PCOLCE2: variants seen among roughly 807,000 people sequenced by gnomAD.
PCOLCE2 encodes the protein procollagen C-proteinase enhancer 2.
In PCOLCE2, 42 loss-of-function variants were observed where a neutral mutation model predicts 47.0. The observed-to-expected ratio is 0.89, with a 90% CI of 0.70 to 1.16. The LOEUF (loss-of-function observed/expected upper bound fraction) is 1.16. Ranked by LOEUF, PCOLCE2 falls within the 50% of genes most tolerant of loss-of-function variation. The pLI, the probability that PCOLCE2 is intolerant of heterozygous loss-of-function variation, is 0.00. For synonymous variants in PCOLCE2, 169 were observed against 191.7 expected, an observed-to-expected ratio of 0.88 and a Z score of 0.98; for missense variants, 500 against 526.1, an observed-to-expected ratio of 0.95 and a Z score of 0.49.
chr3:142,843,447 T>G (rs865790493), intron 3 of PCOLCE2: 12 of 359,670 alleles, frequency 3.3e-5, no homozygotes, highest in Middle Eastern at 1.1e-3. Flanking sequence ...AATTAGTTGA[T>G]ATAGACAGCT....
chr3:142,879,188 G>A (rs1208729004), intron 2 of PCOLCE2, among the ~76,000 whole-genome samples: 1 of 151,676 alleles, frequency 6.6e-6, no homozygotes, highest in African/African-American at 2.4e-5. Context: ...TATTTTTATA[G>A]TGATGTTTCA....
At chr3:142,829,289 A>AC (rs1374608989) in intron 6 of PCOLCE2, among the ~76,000 whole-genome samples, 1 of 152,008 alleles carries the variant, frequency 6.6e-6, no homozygotes, top group African/African-American at 2.4e-5. Context: ...AGCAAAAAAA[A>AC]AAACCAAAAA....
chr3:142,834,611 A>T (rs1383500227), intron 5 of PCOLCE2, among the ~76,000 whole-genome samples: 3 of 152,224 alleles, frequency 2.0e-5, no homozygotes, highest in Non-Finnish European at 2.9e-5. Flanking sequence ...CACAAGTCAC[A>T]CTTTAATCTG....
intron 2 of PCOLCE2, among the ~76,000 whole-genome samples, chr3:142,881,545 G>T (rs1933620268): frequency 6.6e-6 from 1 of 152,098 alleles, no homozygotes; most frequent in Non-Finnish European, 1.5e-5. Flanking sequence ...TACAAACCTA[G>T]ATTGTATAAT....
At chr3:142,825,654 T>C (rs1394004163) in intron 6 of PCOLCE2, among the ~76,000 whole-genome samples, 1 of 152,204 alleles carries the variant, frequency 6.6e-6, no homozygotes, top group Non-Finnish European at 1.5e-5. Flanking sequence ...TCTTCCATCT[T>C]TGATGGTTCA....
rs779832973 is a variant in PCOLCE2, at chr3:142,888,801, G to A, written c.83+13C>T. The stretch of plus-strand genomic sequence containing the variant: ...AAAGGAGAGAAAGGGAGCCCGGGCA[G>A]GGGTCGCGTTACCTCTCTGGGGACT... On this transcript the variant is annotated intron_variant, in intron 1 of 8. Coordinates refer to ENST00000295992, the MANE Select transcript of PCOLCE2 (RefSeq NM_013363.4). 3.4e-6 allele frequency: 5 copies of A among 1,467,726 alleles called. No individual in the cohort carries two copies. The African/African-American group carries it at 7.3e-5, about 21-fold the overall frequency. 90.9% of individuals were successfully genotyped at this position (1,467,726 alleles called of 1,614,324 possible).
chr3:142,842,865 C>A lies in PCOLCE2; in HGVS notation c.573+59G>T. 1 of 1,570,580 alleles carries A rather than the reference C, an allele frequency of 6.4e-7. No individual in the cohort carries two copies. On this transcript the variant is annotated intron_variant, in intron 4 of 8. Coordinates refer to ENST00000295992, the MANE Select transcript of PCOLCE2 (RefSeq NM_013363.4). The surrounding 1 kb of genome is among the most constrained non-coding windows in gnomAD (Gnocchi z 4.1). The stretch of plus-strand genomic sequence containing the variant: ...CAGGAGGCTCTTGAGAGTTGGTGGG[C>A]CCCCCACACTGGGCAATTCACACAT...
At chr3:142,872,903 TA>T (rs1560140695) in intron 2 of PCOLCE2, among the ~76,000 whole-genome samples, 1 of 152,228 alleles carries the variant, frequency 6.6e-6, no homozygotes, top group Non-Finnish European at 1.5e-5. Context: ...AAAGTGCTTT[TA>T]TTTTCCCCCA....
chr3:142,848,377 G>A lies in PCOLCE2; in HGVS notation c.288C>T (p.Gly96=), dbSNP rs781415884. 20 of 1,614,164 alleles carry A rather than the reference G, an allele frequency of 1.2e-5. No individual in the cohort carries two copies. Among genetic ancestry groups the A allele is most frequent in the Non-Finnish European group, 1.7e-5 (20 of 1,179,998 alleles). ...GGCCAATGCGCTGGCCATTGGCATG[G>A]CCATTGTACACATCCACAAAGTCAT... ...CRYDFVDVYN[G]HANGQRIGRF... The change falls in exon 3 of 9, where the codon GGC becomes GGT. Residue 96 remains glycine (G), a synonymous_variant. Transcript: ENST00000295992.
rs574685617 is a variant in PCOLCE2, at chr3:142,887,865, T to G, written c.84-88A>C. 84 of 730,118 alleles carry G rather than the reference T, an allele frequency of 1.2e-4. No individual in the cohort carries two copies. The South Asian group carries it at 1.2e-3, about 10-fold the overall frequency. The allele number at this position is 730,118 out of a possible 1,614,324, so 45.2% of individuals were successfully genotyped here. On this transcript the variant is annotated intron_variant, in intron 1 of 8. Transcript: ENST00000295992. The stretch of plus-strand genomic sequence containing the variant: ...CCTTCAGAAAGGTGTAGCCTATTAA[T>G]ATAAATAAAAGTTAATGTTGATTAA...
chr3:142,856,986 T>C (rs192835529), intron 2 of PCOLCE2, among the ~76,000 whole-genome samples: 16 of 152,066 alleles, frequency 1.1e-4, no homozygotes, highest in African/African-American at 3.9e-4. Flanking sequence ...GAGCTGTGGA[T>C]ACACACGGAG....
intron 2 of PCOLCE2, among the ~76,000 whole-genome samples, chr3:142,872,416 C>T (rs1933408636): frequency 6.6e-6 from 1 of 152,134 alleles, no homozygotes; most frequent in South Asian, 2.1e-4. Context: ...TCCTCAACAA[C>T]CTCAGCTTCT....
Position 142,887,768 on chromosome 3 carries a change from G to A in PCOLCE2, c.93C>T (p.Phe31=). Residue 31 remains phenylalanine (F), a synonymous_variant, in exon 2 of 9, where the codon TTC becomes TTT. Coordinates refer to ENST00000295992, the MANE Select transcript of PCOLCE2 (RefSeq NM_013363.4). ...CTCCAGTAAGAATGCCACCACATGT[G>A]AAAACAGGTCTGGGAACATAAAAGA... ...SRQQSPERPV[F]TCGGILTGES... is the part of the protein sequence containing the mutation. 6.3e-7 allele frequency: 1 copy of A among 1,580,662 alleles called. No homozygotes were observed. Among genetic ancestry groups the A allele is most frequent in the Non-Finnish European group, 8.7e-7 (1 of 1,149,786 alleles).
rs369475147 is a variant in PCOLCE2 at position 142,820,890 on chromosome 3, G to A, written c.1105C>T (p.Leu369Phe). ...TCTCCCTACTCACCTCTTCTGAGGA[G>A]AGGGCACTGCTTGCAGACGACAGTC... ...RLTVVCKQCP[L>F]LRRGLNYIIM... is the part of the protein sequence containing the mutation. Residue 369 changes from leucine (L) to phenylalanine (F), a missense_variant, in exon 8 of 9, where the codon CTC becomes TTC. Coordinates refer to ENST00000295992, the MANE Select transcript of PCOLCE2 (RefSeq NM_013363.4). 5 of 1,612,926 alleles carry A rather than the reference G, an allele frequency of 3.1e-6. No individual in the cohort carries two copies. The African/African-American group carries it at 4.0e-5, about 13-fold the overall frequency.
At chr3:142,831,874 A>G (rs1937156171) in intron 5 of PCOLCE2, among the ~76,000 whole-genome samples, 1 of 152,212 alleles carries the variant, frequency 6.6e-6, no homozygotes, top group Non-Finnish European at 1.5e-5. Context: ...TTTAGGAACA[A>G]AGACATATTT....
intron 2 of PCOLCE2, among the ~76,000 whole-genome samples, chr3:142,852,006 A>G (rs1932949469): frequency 6.6e-6 from 1 of 152,218 alleles, no homozygotes; most frequent in South Asian, 2.1e-4. Flanking sequence ...AAATATGATC[A>G]GCAATAGAAA....
At chr3:142,869,029 C>A (rs1020481449) in intron 2 of PCOLCE2, among the ~76,000 whole-genome samples, 4 of 152,120 alleles carry the variant, frequency 2.6e-5, no homozygotes, top group African/African-American at 7.2e-5. Context: ...CGGTGGCTCA[C>A]GCCTGTAATC....
At chr3:142,865,184 A>G (rs1355443462) in intron 2 of PCOLCE2, among the ~76,000 whole-genome samples, 4 of 151,872 alleles carry the variant, frequency 2.6e-5, no homozygotes, top group Admixed American at 2.0e-4. Flanking sequence ...AGTCATCCTA[A>G]TGGGTATGAA....
chr3:142,867,129 G>A (rs1933301880), intron 2 of PCOLCE2, among the ~76,000 whole-genome samples: 1 of 152,080 alleles, frequency 6.6e-6, no homozygotes, highest in Admixed American at 6.6e-5. Context: ...ATCAGACACC[G>A]CCTCCTCGAG....
Sources: allele counts gnomAD v4.1 joint callset (sites outside exome capture counted in the v4.1 genomes callset), GRCh38; gene constraint gnomAD v4.1.1; non-coding constraint Gnocchi (gnomAD v3.1); transcripts MANE v1.5; gene names NCBI Gene and HGNC (gene_info 2026-07-23, HGNC 2026-07-21).